The following FARP1 variants were observed in gnomAD, a reference collection of about 807,000 sequenced individuals.
FARP1 encodes the protein FERM, ARHGEF and pleckstrin domain-containing protein 1.
Under a neutral mutation model 128.8 loss-of-function variants are expected in FARP1, and 52 were observed. The observed-to-expected ratio is 0.40, with a 90% CI of 0.32 to 0.51. The LOEUF (loss-of-function observed/expected upper bound fraction) is 0.51, where lower values mean the gene tolerates loss of function less well. Among genes scored for constraint, FARP1 ranks in the 20% least tolerant of loss-of-function variants. The pLI, the probability that FARP1 is intolerant of heterozygous loss-of-function variation, is 0.45. For missense variants in FARP1, 1,333 were observed against 1,367.9 expected, an observed-to-expected ratio of 0.97 and a Z score of 0.40; for synonymous variants, 580 against 551.8, an observed-to-expected ratio of 1.05 and a Z score of -0.72.
At position 98,447,002 on chromosome 13, in the gene FARP1, C is replaced by T. The variant is rs1892887109; in HGVS notation, c.3056+185C>T. ...TGTTCTCATGGCAGAAAGTGGGGTC[C>T]CAACTTCCCTGCGCCCTTACCCTGC... On this transcript the variant is annotated intron_variant, in intron 26 of 26. Coordinates refer to ENST00000319562, the MANE Select transcript of FARP1 (RefSeq NM_005766.4). 6.5e-6 allele frequency: 4 copies of T among 615,924 alleles called. No homozygotes were observed. The Admixed American group carries it at 8.6e-5, about 13-fold the overall frequency. 38.2% of individuals were successfully genotyped at this position (615,924 alleles called of 1,614,324 possible).
At chr13:98,365,333 C>CA in intron 3 of FARP1, 62 bp from the exon 4 acceptor site, 2 of 1,303,034 alleles carry the variant, frequency 1.5e-6, no homozygotes, top group Non-Finnish European at 2.2e-6. Context: ...AACAAAATCT[C>CA]AAAATACTTG....
At chr13:98,346,483 G>A (rs560261972) in intron 3 of FARP1, among the ~76,000 whole-genome samples, 1 of 151,674 alleles carries the variant, frequency 6.6e-6, no homozygotes, top group Non-Finnish European at 1.5e-5. Context: ...GGTGGCTCAT[G>A]CCTGTAATCC....
At chr13:98,404,893 T>C (rs1324435324) in intron 13 of FARP1, 1 of 152,236 alleles carries the variant, frequency 6.6e-6, no homozygotes, top group Non-Finnish European at 1.5e-5. Context: ...CTTGGATTAC[T>C]ATTTTTTTAG....
intron 1 of FARP1, among the ~76,000 whole-genome samples, chr13:98,197,329 G>T (rs1272324786): frequency 2.6e-5 from 4 of 152,002 alleles, no homozygotes; most frequent in Non-Finnish European, 4.4e-5. Flanking sequence ...AGACAGGCTT[G>T]GTGGCGCATG....
chr13:98,311,408 C>T lies in FARP1; in HGVS notation c.172-32354C>T, dbSNP rs371861403. 3.3e-5 allele frequency among the ~76,000 whole-genome samples: 5 copies of T among 152,352 alleles called. No individual in the cohort carries two copies. In the East Asian group the frequency reaches 9.6e-4, roughly 29 times the overall value. ...CTGTGTGTGACTCCCTCTCCCACCT[C>T]CAGCCCTGGTTTGCTTCCTGTTAGG... is the stretch of plus-strand genomic sequence containing the variant. On this transcript the variant is annotated intron_variant, in intron 2 of 26. Transcript: ENST00000319562.
chr13:98,326,266 C>T (rs528242416), intron 2 of FARP1, among the ~76,000 whole-genome samples: 1 of 152,300 alleles, frequency 6.6e-6, no homozygotes, highest in African/African-American at 2.4e-5. Context: ...TTCACAGGCT[C>T]AGACTTGGAG....
At chr13:98,155,532 T>G (rs1190531279) in intron 1 of FARP1, among the ~76,000 whole-genome samples, 1 of 151,862 alleles carries the variant, frequency 6.6e-6, no homozygotes, top group African/African-American at 2.4e-5. Flanking sequence ...TTTTACTTAT[T>G]TATTTTTGAG....
Position 98,318,067 on chromosome 13 carries a change from CCTTT to C in FARP1, c.172-25694_172-25691del, listed in dbSNP as rs1279443035. Among the ~76,000 whole-genome samples the C allele has an allele frequency of 3.2e-3, 436 of 134,180 alleles. 2 individuals are homozygous for C. Among genetic ancestry groups the C allele is most frequent in the African/African-American group, 0.011 (406 of 37,354 alleles). 88.0% of individuals were successfully genotyped at this position (134,180 alleles called of 152,430 possible). On this transcript the variant is annotated intron_variant, in intron 2 of 26. Coordinates refer to ENST00000319562, the MANE Select transcript of FARP1 (RefSeq NM_005766.4). Reference sequence around the variant, plus strand: ...CATCTCCTTCCTTCCTTCTCCTCCTCCTTTTTTTTTTTTTTTTTTTTGAAACAGG... The same window carrying C: ...CATCTCCTTCCTTCCTTCTCCTCCTCTTTTTTTTTTTTTTTTTGAAACAGG...
At chr13:98,365,560 C>CT in intron 4 of FARP1, 123 bp downstream of exon 4, 1 of 611,336 alleles carries the variant, frequency 1.6e-6, no homozygotes, top group Non-Finnish European at 2.9e-6. Flanking sequence ...CCCATAATTG[C>CT]TTTTCATCAT....
intron 2 of FARP1, among the ~76,000 whole-genome samples, chr13:98,320,939 CGA>C (rs1339771110): frequency 2.0e-5 from 3 of 152,154 alleles, no homozygotes; most frequent in Admixed American, 6.5e-5. Context: ...GTTCACTCCC[CGA>C]GAGACACCTC....
At chr13:98,256,690 G>A (rs1340216488) in intron 2 of FARP1, among the ~76,000 whole-genome samples, 2 of 151,396 alleles carry the variant, frequency 1.3e-5, no homozygotes, top group African/African-American at 4.8e-5. Context: ...CTCCCGAGCA[G>A]CTGGGATTAC....
At chr13:98,337,426 C>T (rs567169609) in intron 2 of FARP1, among the ~76,000 whole-genome samples, 1 of 152,178 alleles carries the variant, frequency 6.6e-6, no homozygotes, top group African/African-American at 2.4e-5. Flanking sequence ...CAACAAAACA[C>T]TCATTTGTCA....
chr13:98,203,516 T>C (rs1018798425), intron 1 of FARP1, among the ~76,000 whole-genome samples: 2 of 152,260 alleles, frequency 1.3e-5, no homozygotes, highest in African/African-American at 4.8e-5. Context: ...GTCTTTTGCA[T>C]GTGGCTCTTG....
At chr13:98,160,868 A>G (rs1208129696) in intron 1 of FARP1, among the ~76,000 whole-genome samples, 1 of 151,744 alleles carries the variant, frequency 6.6e-6, no homozygotes, top group Non-Finnish European at 1.5e-5. Flanking sequence ...TAGTAGAGAT[A>G]GGGTTTTGCC....
At chr13:98,289,518 T>G (rs1404957687) in intron 2 of FARP1, among the ~76,000 whole-genome samples, 3 of 152,224 alleles carry the variant, frequency 2.0e-5, no homozygotes, top group African/African-American at 7.2e-5. Context: ...TTTGGTTATC[T>G]TCAGCTGGGC....
chr13:98,449,808 GGAGGGGGGA>G lies in FARP1; in HGVS notation c.*1492_*1500del, dbSNP rs1368690811. On this transcript the variant is annotated 3_prime_UTR_variant, in exon 27 of 27. Coordinates refer to ENST00000319562, the MANE Select transcript of FARP1 (RefSeq NM_005766.4). ...TAGTCTTCATTTTCTGTGTGGGGGG[GGAGGGGGGA>G]AGGGGACACTCCAGCAAGGGTTTCT... 1 of 152,338 alleles carries G rather than the reference GGAGGGGGGA, an allele frequency of 6.6e-6. No homozygotes were observed. Among genetic ancestry groups the G allele is most frequent in the Non-Finnish European group, 1.5e-5 (1 of 68,042 alleles). The allele number at this position is 152,338 out of a possible 1,614,324, so 9.4% of individuals were successfully genotyped here. A position where few individuals can be genotyped will look rare whatever the true frequency, so the allele number is the denominator to read the frequency against.
rs966737892 is a variant in FARP1, at chr13:98,446,759, C to A, written c.2998C>A (p.Leu1000Met). Residue 1000 changes from leucine (L) to methionine (M), a missense_variant, in exon 26 of 27, where the codon CTG becomes ATG. By Grantham distance (15) the Leu-to-Met change is conservative. Around this residue, in one of 2 missense-constraint regions of FARP1, gnomAD observed 1,009 missense variants for 969.8 expected, o/e 1.04. Coordinates refer to ENST00000319562, the MANE Select transcript of FARP1 (RefSeq NM_005766.4). ...ENIQKDYVFK[L>M]HFKSHVYYFR... is the part of the protein sequence containing the mutation. ...CATCCAGAAAGACTACGTGTTCAAG[C>A]TGCACTTCAAGTCCCACGTCTACTA... is the stretch of plus-strand genomic sequence containing the variant. 6.2e-7 allele frequency: 1 copy of A among 1,614,194 alleles called. No homozygotes were observed. Among genetic ancestry groups the A allele is most frequent in the Non-Finnish European group, 8.5e-7 (1 of 1,180,030 alleles).
intron 11 of FARP1, among the ~76,000 whole-genome samples, chr13:98,391,760 CT>C (rs1477997513): frequency 1.3e-5 from 2 of 152,116 alleles, no homozygotes; most frequent in Non-Finnish European, 2.9e-5. Context: ...GGTTAAATAA[CT>C]AGTCCAGGTC....
At chr13:98,443,919 C>T (rs565113958) in intron 24 of FARP1, among the ~76,000 whole-genome samples, 2 of 7,100 alleles carry the variant, frequency 2.8e-4, no homozygotes, top group South Asian at 6.0e-3. Flanking sequence ...GTGGCGGGCA[C>T]GGGGGTTATA....
Sources: gnomAD v4.1 joint callset for allele counts (sites outside exome capture counted in the v4.1 genomes callset) on GRCh38, gnomAD v4.1.1 for gene constraint, gnomAD v4.1.1 regional missense constraint, MANE v1.5 for transcripts, NCBI Gene and HGNC (gene_info 2026-07-23, HGNC 2026-07-21) for gene names.